IFRD1: variants seen among roughly 807,000 people sequenced by gnomAD.
IFRD1 encodes the protein interferon-related developmental regulator 1.
In IFRD1, 35 loss-of-function variants were observed where a neutral mutation model predicts 52.9. That is an observed-to-expected ratio of 0.66 (90% CI 0.51 to 0.88). The LOEUF (loss-of-function observed/expected upper bound fraction) is 0.88, where lower values mean the gene tolerates loss of function less well. Among genes scored for constraint, IFRD1 ranks in the 40% least tolerant of loss-of-function variants. IFRD1 has a pLI of 0.00. For missense variants in IFRD1, 517 were observed against 550.8 expected (o/e 0.94, Z 0.61); for synonymous variants, 184 against 188.4 (o/e 0.98, Z 0.19).
chr7:112,427,547 A>G (rs1242210518), intron 1 of IFRD1, among the ~76,000 whole-genome samples: 2 of 152,210 alleles, frequency 1.3e-5, no homozygotes, highest in Admixed American at 6.5e-5. Context: ...TTCATTTTTA[A>G]AAAGGAATAT....
intron 1 of IFRD1, among the ~76,000 whole-genome samples, chr7:112,433,109 C>T (rs1794582350): frequency 6.6e-6 from 1 of 152,182 alleles, no homozygotes; most frequent in Non-Finnish European, 1.5e-5. Flanking sequence ...ATGGGTTCTC[C>T]TTGCCTGCCG....
rs1417084714 is a variant in IFRD1 at position 112,462,261 on chromosome 7, A to G, written c.798-9A>G. On this transcript the variant is annotated splice_polypyrimidine_tract_variant and intron_variant, in intron 7 of 11. Coordinates refer to ENST00000403825, the MANE Select transcript of IFRD1 (RefSeq NM_001550.4). ...TGTATTCACATAGTAATGACTAACT[A>G]TTTTTTAGGCATTTCCATAAGCTTC... The G allele has an allele frequency of 8.7e-6, 14 of 1,612,058 alleles. No individual in the cohort carries two copies. Among genetic ancestry groups the G allele is most frequent in the South Asian group, 4.4e-5 (4 of 91,048 alleles).
chr7:112,471,318 C>T (rs1012572864), intron 9 of IFRD1, among the ~76,000 whole-genome samples: 10 of 152,072 alleles, frequency 6.6e-5, no homozygotes, highest in Non-Finnish European at 1.0e-4. Flanking sequence ...ATCACAAGCC[C>T]GCAAGTTGCA....
chr7:112,464,287 G>A (rs973882378), intron 8 of IFRD1, among the ~76,000 whole-genome samples: 2 of 151,920 alleles, frequency 1.3e-5, no homozygotes, highest in Admixed American at 1.3e-4. Flanking sequence ...CTTTTGAAGA[G>A]CTAACTTTTA....
chr7:112,472,408 C>A (rs564126906), intron 10 of IFRD1, 61 bp downstream of exon 10: 14 of 1,574,466 alleles, frequency 8.9e-6, no homozygotes, highest in Non-Finnish European at 1.2e-5. Context: ...GAATATAGCT[C>A]ACTTAATTGG....
intron 5 of IFRD1, among the ~76,000 whole-genome samples, chr7:112,460,253 T>G (rs889297692): frequency 6.9e-6 from 1 of 144,160 alleles, no homozygotes; most frequent in Non-Finnish European, 1.5e-5. Context: ...TTTTTTTTTT[T>G]TTTTTTTTTT....
rs1420688437 is a variant in IFRD1 at position 112,468,434 on chromosome 7, G to A, written c.1041+319G>A. 2.0e-5 allele frequency among the ~76,000 whole-genome samples: 3 copies of A among 152,084 alleles called. No individual in the cohort carries two copies. In the East Asian group the frequency reaches 5.8e-4, roughly 29 times the overall value. ...GGTGCTTAGCATATACATTCTTAGT[G>A]TACAGTGTTTTTTGTGAATTTAATA... is the stretch of plus-strand genomic sequence containing the variant. On this transcript the variant is annotated intron_variant, in intron 9 of 11. Coordinates refer to ENST00000403825, the MANE Select transcript of IFRD1 (RefSeq NM_001550.4).
upstream of IFRD1, among the ~76,000 whole-genome samples, chr7:112,448,393 A>G (rs1394112522): frequency 6.6e-6 from 1 of 152,232 alleles, no homozygotes; most frequent in African/African-American, 2.4e-5. Flanking sequence ...TGTTAGGCCT[A>G]GGTGATGTGA....
chr7:112,470,523 A>G (rs1306218443), intron 9 of IFRD1, among the ~76,000 whole-genome samples: 1 of 152,156 alleles, frequency 6.6e-6, no homozygotes, highest in Non-Finnish European at 1.5e-5. Context: ...TGATAGCTGG[A>G]ATGTAGTGCC....
At chr7:112,458,432 A>G in intron 4 of IFRD1, 1 of 163,036 alleles carries the variant, frequency 6.1e-6, no homozygotes, top group Non-Finnish European at 1.4e-5. Context: ...CTGAAGGTTT[A>G]CCTAATGGAC....
In IFRD1 at chr7:112,435,655, T is replaced by TGTGTGTGTGTGTGTGTGTGTGTGC. The variant is rs775779479; in HGVS notation, c.-182+12224_-182+12225insTGTGTGTGTGTGTGTGTGTGTGCG. On this transcript the variant is annotated intron_variant, in intron 1 of 12. Coordinates refer to the IFRD1 transcript ENST00000005558. ...GTGTGTGTGTGTGTGTGTGTGTGTG[T>TGTGTGTGTGTGTGTGTGTGTGTGC]GCGTGCTTGTAAAAAATGCCACATA... The TGTGTGTGTGTGTGTGTGTGTGTGC allele has an allele frequency of 4.4e-4, 66 of 149,134 alleles. 1 individual carries two copies. The highest frequency in any genetic ancestry group is 3.1e-4 in the Non-Finnish European group (21 of 67,878). The allele number at this position is 149,134 out of a possible 1,614,324, so 9.2% of individuals were successfully genotyped here. A position where few individuals can be genotyped will look rare whatever the true frequency, so the allele number is the denominator to read the frequency against.
chr7:112,433,411 G>A (rs564426734), intron 1 of IFRD1, among the ~76,000 whole-genome samples: 1 of 152,178 alleles, frequency 6.6e-6, no homozygotes, highest in Non-Finnish European at 1.5e-5. Flanking sequence ...ATCCATCTGC[G>A]TGGTGCCAGC....
At chr7:112,459,146 T>G (rs891599039) in intron 5 of IFRD1, 128 bp downstream of exon 5, 5 of 795,950 alleles carry the variant, frequency 6.3e-6, no homozygotes, top group Non-Finnish European at 8.5e-6. Context: ...TCCAGGAGTT[T>G]GAGGCAGCGG....
In IFRD1 at chr7:112,475,554, AT is replaced by A. The variant is rs763386499; in HGVS notation, c.*44del. On this transcript the variant is annotated 3_prime_UTR_variant, in exon 12 of 12. Coordinates refer to ENST00000403825, the MANE Select transcript of IFRD1 (RefSeq NM_001550.4). Reference sequence around the variant, plus strand: ...ACTTGAAGACTATTTTCTAATTTCTATTTTTTTTTCTATTTCAATGTATTTA... The same window carrying A: ...ACTTGAAGACTATTTTCTAATTTCTATTTTTTTTCTATTTCAATGTATTTA... 1.1e-4 allele frequency: 147 copies of A among 1,280,822 alleles called. No homozygotes were observed. Among genetic ancestry groups the A allele is most frequent in the Middle Eastern group, 1.9e-4 (1 of 5,244 alleles). The allele number at this position is 1,280,822 out of a possible 1,614,324, so 79.3% of individuals were successfully genotyped here.
chr7:112,458,987 A>T lies in IFRD1; in HGVS notation c.536A>T (p.Asp179Val). The T allele has an allele frequency of 6.2e-7, 1 of 1,613,976 alleles. No homozygotes were observed. The part of the protein sequence containing the change: ...LGPILKKIIC[D>V]GSASMQARQT... ...CCAATCCTAAAGAAAATCATTTGTG[A>T]TGGGTCAGCTAGTATGCAGGCTAGG... is the stretch of plus-strand genomic sequence containing the variant. The change falls in exon 5 of 12, where the codon GAT (aspartate) becomes GTT (valine). Residue 179 changes from aspartate to valine, a missense_variant. Asp to Val is a radical substitution (Grantham distance 152). Transcript: ENST00000403825.
At chr7:112,466,841 T>C (rs1223102822) in intron 8 of IFRD1, among the ~76,000 whole-genome samples, 2 of 152,208 alleles carry the variant, frequency 1.3e-5, no homozygotes, top group African/African-American at 4.8e-5. Context: ...AATAAAATTA[T>C]TCCCATCTTG....
chr7:112,424,503 C>A (rs1033202540), intron 1 of IFRD1, among the ~76,000 whole-genome samples: 1 of 151,992 alleles, frequency 6.6e-6, no homozygotes, highest in Non-Finnish European at 1.5e-5. Context: ...CACCCTCCGC[C>A]TCCCAGGTTC....
chr7:112,452,302 A>C, intron 1 of IFRD1: 2 of 290,782 alleles, frequency 6.9e-6, no homozygotes, highest in Non-Finnish European at 1.0e-5. Context: ...CTAGGACTAC[A>C]GGCATGTGAC....
rs760744367 is a variant in IFRD1, at chr7:112,456,990, G to A, written c.361G>A (p.Glu121Lys). The A allele has an allele frequency of 6.2e-7, 1 of 1,613,892 alleles. No individual in the cohort carries two copies. Among genetic ancestry groups the A allele is most frequent in the Admixed American group, 1.7e-5 (1 of 60,014 alleles). ...AAAAATGCTGTATGAATTTATTCTG[G>A]AAAGGAGAATGACTTTAACTGATAG... ...ASKMLYEFIL[E>K]RRMTLTDSIE... The change falls in exon 4 of 12, where the codon GAA (glutamate) becomes AAA (lysine). Residue 121 changes from glutamate (E) to lysine (K), a missense_variant. Glu to Lys is a moderately conservative substitution (Grantham distance 56). Transcript: ENST00000403825.
Sources: gnomAD v4.1 joint callset for allele counts (sites outside exome capture counted in the v4.1 genomes callset) on GRCh38, gnomAD v4.1.1 for gene constraint, MANE v1.5 for transcripts, NCBI Gene and HGNC (gene_info 2026-07-23, HGNC 2026-07-21) for gene names.